The following ASTN2 variants were observed in gnomAD, a reference collection of about 807,000 sequenced individuals.
The protein encoded by ASTN2 is astrotactin-2.
A neutral mutation model predicts 139.8 loss-of-function variants in ASTN2; 54 were observed. That is an observed-to-expected ratio of 0.39 (90% CI 0.31 to 0.48). The LOEUF is 0.48. Among genes scored for constraint, ASTN2 ranks in the 20% least tolerant of loss-of-function variants. The pLI is 0.95. For missense variants in ASTN2, 1,565 were observed against 1,725.1 expected (o/e 0.91, Z 1.64); for synonymous variants, 756 against 719.5 (o/e 1.05, Z -0.81).
intron 10 of ASTN2, among the ~76,000 whole-genome samples, chr9:116,971,878 C>G (rs1396787579): frequency 1.3e-5 from 2 of 152,140 alleles, no homozygotes; most frequent in Admixed American, 6.5e-5. Context: ...GAAGGGGAAA[C>G]CACAACTCCA....
At chr9:116,565,125 T>C (rs908639342) in intron 19 of ASTN2, among the ~76,000 whole-genome samples, 1 of 151,418 alleles carries the variant, frequency 6.6e-6, no homozygotes, top group African/African-American at 2.4e-5. Context: ...CTAGTGTGAT[T>C]CATATGTTTT....
intron 1 of ASTN2, among the ~76,000 whole-genome samples, chr9:117,368,396 G>T (rs1457894528): frequency 6.6e-6 from 1 of 152,054 alleles, no homozygotes; most frequent in East Asian, 1.9e-4. Context: ...CATTGCCATG[G>T]TATTGAAATT....
chr9:117,348,609 GTGTT>G (rs1461991270), intron 1 of ASTN2, among the ~76,000 whole-genome samples: 1 of 152,134 alleles, frequency 6.6e-6, no homozygotes, highest in Non-Finnish European at 1.5e-5. Flanking sequence ...ATGTGTATAT[GTGTT>G]TGTTTGGGTG....
At chr9:116,662,219 A>C (rs1258513593) in intron 16 of ASTN2, among the ~76,000 whole-genome samples, 1 of 152,048 alleles carries the variant, frequency 6.6e-6, no homozygotes, top group Non-Finnish European at 1.5e-5. Context: ...TCCTCATAGT[A>C]GTCTCTGCTT....
At chr9:116,445,554 C>T (rs912444401) in intron 20 of ASTN2, among the ~76,000 whole-genome samples, 1 of 152,166 alleles carries the variant, frequency 6.6e-6, no homozygotes, top group African/African-American at 2.4e-5. Context: ...AGGGTCATCT[C>T]GCTGCTTAGC....
At chr9:117,364,576 T>C (rs938242859) in intron 1 of ASTN2, among the ~76,000 whole-genome samples, 1 of 152,140 alleles carries the variant, frequency 6.6e-6, no homozygotes, top group African/African-American at 2.4e-5. Flanking sequence ...GGAAGATAAA[T>C]AGCTGAAGAG....
chr9:116,440,859 C>CT, intron 21 of ASTN2, 67 bp from the exon 22 acceptor site: 1 of 1,490,570 alleles, frequency 6.7e-7, no homozygotes, highest in Non-Finnish European at 9.2e-7. Context: ...TAAGCATGGG[C>CT]TTCAATAAGA....
intron 4 of ASTN2, among the ~76,000 whole-genome samples, chr9:117,121,923 G>C (rs1829568564): frequency 6.6e-6 from 1 of 152,150 alleles, no homozygotes; most frequent in Non-Finnish European, 1.5e-5. Flanking sequence ...CTTGAGAACA[G>C]CAAGGGGGAA....
At chr9:117,350,737 T>C (rs1334132234) in intron 1 of ASTN2, among the ~76,000 whole-genome samples, 1 of 151,970 alleles carries the variant, frequency 6.6e-6, no homozygotes, top group Non-Finnish European at 1.5e-5. Context: ...ATGAAGACAA[T>C]ACTGTAAAGA....
At chr9:117,195,782 G>C (rs1216375627) in intron 3 of ASTN2, among the ~76,000 whole-genome samples, 1 of 152,086 alleles carries the variant, frequency 6.6e-6, no homozygotes, top group African/African-American at 2.4e-5. Flanking sequence ...CAGCTTCTCT[G>C]TTTCTGACAC....
intron 11 of ASTN2, among the ~76,000 whole-genome samples, chr9:116,825,516 T>A (rs905236180): frequency 1.3e-5 from 2 of 152,164 alleles, no homozygotes; most frequent in African/African-American, 4.8e-5. Flanking sequence ...GGAACCAGAA[T>A]AATAAGTAGA....
At chr9:117,243,031 C>A (rs995777640) in intron 2 of ASTN2, among the ~76,000 whole-genome samples, 2 of 152,208 alleles carry the variant, frequency 1.3e-5, no homozygotes, top group African/African-American at 2.4e-5. Context: ...TATTAAGAGT[C>A]TTCCATTTTT....
At chr9:116,446,305 A>AGAGAGAGAGAGAGG (rs1564282758) in intron 20 of ASTN2, among the ~76,000 whole-genome samples, 41 of 149,088 alleles carry the variant, frequency 2.8e-4, no homozygotes, top group Non-Finnish European at 5.6e-4. Flanking sequence ...AGAGAGAGAG[A>AGAGAGAGAGAGAGG]GAGAATAATC....
intron 11 of ASTN2, among the ~76,000 whole-genome samples, chr9:116,828,944 T>C (rs549349105): frequency 1.3e-5 from 2 of 152,216 alleles, no homozygotes; most frequent in African/African-American, 4.8e-5. Flanking sequence ...TCTAGGAATA[T>C]ATTTAACAAG....
chr9:117,217,604 T>C (rs894625058), intron 2 of ASTN2, among the ~76,000 whole-genome samples: 6 of 152,222 alleles, frequency 3.9e-5, no homozygotes, highest in Non-Finnish European at 7.3e-5. Context: ...TTGACCAGTT[T>C]ATTTTATCTT....
intron 13 of ASTN2, among the ~76,000 whole-genome samples, chr9:116,754,100 T>C (rs1829475353): frequency 6.6e-6 from 1 of 151,550 alleles, no homozygotes; most frequent in Non-Finnish European, 1.5e-5. Context: ...CCGAGAATAA[T>C]GGTTTCCAGC....
chr9:116,721,165 C>T (rs1564231430), intron 16 of ASTN2, among the ~76,000 whole-genome samples: 1 of 152,178 alleles, frequency 6.6e-6, no homozygotes, highest in Non-Finnish European at 1.5e-5. Context: ...TCCATCTATA[C>T]AATGACTTTG....
At chr9:116,859,143 C>T (rs936080282) in intron 11 of ASTN2, among the ~76,000 whole-genome samples, 1 of 152,206 alleles carries the variant, frequency 6.6e-6, no homozygotes, top group Non-Finnish European at 1.5e-5. Context: ...CTTTCCTGAG[C>T]ACACTCTGAT....
intron 5 of ASTN2, among the ~76,000 whole-genome samples, chr9:117,059,741 T>G (rs1245254905): frequency 6.6e-6 from 1 of 152,214 alleles, no homozygotes; most frequent in African/African-American, 2.4e-5. Flanking sequence ...GTATTTCCCA[T>G]TCTTCACTCC....
Sources: allele counts gnomAD v4.1 joint callset (sites outside exome capture counted in the v4.1 genomes callset), GRCh38; gene constraint gnomAD v4.1.1; transcripts MANE v1.5; gene names NCBI Gene and HGNC (gene_info 2026-07-23, HGNC 2026-07-21).